The following ITGA11 variants were observed in gnomAD, a reference collection of about 807,000 sequenced individuals.
The protein encoded by ITGA11 is integrin subunit alpha 11.
In ITGA11, 97 loss-of-function variants were observed where a neutral mutation model predicts 141.9. That is an observed-to-expected ratio of 0.68 (90% CI 0.58 to 0.81). The LOEUF is 0.81. Ranked by LOEUF, ITGA11 falls within the 30% of genes least tolerant of loss-of-function variation. ITGA11 has a pLI of 0.00. For synonymous variants in ITGA11, 658 were observed against 624.6 expected (o/e 1.05, Z -0.80); for missense variants, 1,387 against 1,559.2 (o/e 0.89, Z 1.86).
chr15:68,369,916 C>T (rs980888323), intron 2 of ITGA11, among the ~76,000 whole-genome samples: 1 of 152,262 alleles, frequency 6.6e-6, no homozygotes, highest in South Asian at 2.1e-4. Flanking sequence ...TTGAGATCAT[C>T]CTGGATTATC....
rs985307330 is a variant in ITGA11 at position 68,369,204 on chromosome 15, T to A, written c.245A>T (p.Asn82Ile). The A allele has an allele frequency of 6.2e-7, 1 of 1,613,712 alleles. No individual in the cohort carries two copies. The highest frequency in any genetic ancestry group is 8.5e-7 in the Non-Finnish European group (1 of 1,179,628). ...GTTACCCAGGTTGAGTTTGGTGCAGTTCCCGTGGATCACTGGACACTTGTA... is the reference window on the plus strand; with the variant it reads ...GTTACCCAGGTTGAGTTTGGTGCAGATCCCGTGGATCACTGGACACTTGTA... ...DVYKCPVIHGNCTKLNLGRVT... is the reference protein window; with the variant it reads ...DVYKCPVIHGICTKLNLGRVT... The change falls in exon 3 of 30, where the codon AAC becomes ATC. Residue 82 changes from asparagine to isoleucine, a missense_variant. By Grantham distance (149) the Asn-to-Ile change is moderately radical. Transcript: ENST00000315757.
At chr15:68,363,001 GTTGA>G (rs1895299802) in intron 4 of ITGA11, among the ~76,000 whole-genome samples, 1 of 149,666 alleles carries the variant, frequency 6.7e-6, no homozygotes. Context: ...ATGATGGATG[GTTGA>G]TGGATGGATG....
At chr15:68,341,914 T>C (rs914369468) in intron 10 of ITGA11, among the ~76,000 whole-genome samples, 4 of 152,198 alleles carry the variant, frequency 2.6e-5, no homozygotes, top group African/African-American at 9.6e-5. Context: ...GGCCAGGCGA[T>C]CGCTTACAGT....
At chr15:68,391,586 G>A (rs1896123780) in intron 2 of ITGA11, among the ~76,000 whole-genome samples, 4 of 152,176 alleles carry the variant, frequency 2.6e-5, no homozygotes, top group Non-Finnish European at 5.9e-5. Context: ...GGGCCTCAGT[G>A]ACTCCAACAA....
At chr15:68,420,741 T>C (rs1377767351) in intron 1 of ITGA11, among the ~76,000 whole-genome samples, 1 of 152,240 alleles carries the variant, frequency 6.6e-6, no homozygotes, top group African/African-American at 2.4e-5. Flanking sequence ...CCAAGCACTG[T>C]TCTGGGCCCT....
rs185281561 is a variant in ITGA11, at chr15:68,430,290, A to G, written c.52+1725T>C. Among the ~76,000 whole-genome samples the G allele has an allele frequency of 9.0e-4, 137 of 152,278 alleles. 1 individual carries two copies. Among genetic ancestry groups the G allele is most frequent in the African/African-American group, 2.8e-3 (116 of 41,542 alleles). On this transcript the variant is annotated intron_variant, in intron 1 of 29. Coordinates refer to ENST00000315757, the MANE Select transcript of ITGA11 (RefSeq NM_001004439.2). ...AACCATTGATTAAAGCCTACTGTGC[A>G]CCCAGCCCTGTGTTAAGGGCCTTTC...
At chr15:68,329,770 A>C (rs148285308) in intron 15 of ITGA11, among the ~76,000 whole-genome samples, 290 of 152,246 alleles carry the variant, frequency 1.9e-3, no homozygotes, top group African/African-American at 6.1e-3. Flanking sequence ...ACCACCACCA[A>C]CAAGGACCTA....
intron 2 of ITGA11, among the ~76,000 whole-genome samples, chr15:68,397,008 TATTACTTATTATATAATATATAA>T (rs1567156601): frequency 1.1e-4 from 1 of 9,436 alleles, no homozygotes; most frequent in African/African-American, 7.9e-4. Flanking sequence ...ATATAATATA[TATTACTTATTATATAATATATAA>T]ATTATTTATT....
chr15:68,357,113 G>A, intron 7 of ITGA11, 38 bp downstream of exon 7: 1 of 1,598,196 alleles, frequency 6.3e-7, no homozygotes, highest in Non-Finnish European at 8.5e-7. Context: ...TAGCATCTGA[G>A]ATCTAAAAAA....
At chr15:68,430,222 G>A (rs527770471) in intron 1 of ITGA11, among the ~76,000 whole-genome samples, 5 of 152,138 alleles carry the variant, frequency 3.3e-5, no homozygotes, top group Non-Finnish European at 5.9e-5. Context: ...GTCCTTTAAT[G>A]TCATTCTCTG....
chr15:68,351,177 C>T (rs1438647765), intron 8 of ITGA11, 81 bp downstream of exon 8: 59 of 1,469,916 alleles, frequency 4.0e-5, no homozygotes, highest in Non-Finnish European at 5.2e-5. Context: ...CTGCCTGGAA[C>T]TAGTCCCTTG....
chr15:68,321,161 GTTTCTTTT>G lies in ITGA11; in HGVS notation c.2408+249_2408+256del, dbSNP rs1893793329. 4.0e-5 allele frequency among the ~76,000 whole-genome samples: 2 copies of G among 49,882 alleles called. No homozygotes were observed. The highest frequency in any genetic ancestry group is 6.4e-4 in the Admixed American group (2 of 3,126). The allele number at this position is 49,882 out of a possible 152,430, so 32.7% of individuals were successfully genotyped here. On this transcript the variant is annotated intron_variant, in intron 19 of 29. Coordinates refer to ENST00000315757, the MANE Select transcript of ITGA11 (RefSeq NM_001004439.2). This position sits in a 1 kb window ranked among gnomAD's most constrained non-coding sequence, Gnocchi z 4.9. The stretch of plus-strand genomic sequence containing the variant: ...TTGTAATGTGGGCTCCGAAGAAAGG[GTTTCTTTT>G]TTTTTTTTTTTTTAACAAAATTTGA...
rs548008770 is a variant in ITGA11 at position 68,361,900 on chromosome 15, T to A, written c.358-196A>T. ...GTGTACTAGTTCCTTTGGTTTCAGG[T>A]CTAATGGAGAAAAACTGATCTTGGA... On this transcript the variant is annotated intron_variant, in intron 4 of 29. Transcript: ENST00000315757. The A allele has an allele frequency of 7.6e-6, 4 of 526,722 alleles. No homozygotes were observed. In the African/African-American group the frequency reaches 7.7e-5, roughly 10 times the overall value. 32.6% of individuals were successfully genotyped at this position (526,722 alleles called of 1,614,324 possible).
At chr15:68,314,430 C>G (rs1317890493) in intron 22 of ITGA11, among the ~76,000 whole-genome samples, 2 of 152,148 alleles carry the variant, frequency 1.3e-5, no homozygotes, top group African/African-American at 4.8e-5. Flanking sequence ...CCCTTTATAT[C>G]TGAGCACCAT....
At chr15:68,381,939 C>T (rs966696734) in intron 2 of ITGA11, among the ~76,000 whole-genome samples, 5 of 152,328 alleles carry the variant, frequency 3.3e-5, no homozygotes, top group Non-Finnish European at 5.9e-5. Flanking sequence ...TTCGGCCTCA[C>T]TCTCCTACCC....
Position 68,320,376 on chromosome 15 carries a change from C to G in ITGA11, c.2425G>C (p.Val809Leu). Residue 809 changes from valine to leucine, a missense_variant, in exon 20 of 30, where the codon GTG becomes CTG. Transcript: ENST00000315757. ...LPTAMEYCQRVLRKPAQDCSA... is the reference protein window; with the variant it reads ...LPTAMEYCQRLLRKPAQDCSA... Reference sequence around the variant, plus strand: ...CAGTCCTGCGCAGGCTTCCTCAGCACCCTCTGGCAGTACTCCCTGAGAACA... The same window carrying G: ...CAGTCCTGCGCAGGCTTCCTCAGCAGCCTCTGGCAGTACTCCCTGAGAACA... 6.3e-7 allele frequency: 1 copy of G among 1,594,316 alleles called. No homozygotes were observed. The highest frequency in any genetic ancestry group is 8.5e-7 in the Non-Finnish European group (1 of 1,170,364).
intron 15 of ITGA11, 113 bp downstream of exon 15, chr15:68,330,868 G>T: frequency 8.1e-7 from 1 of 1,235,352 alleles, no homozygotes; most frequent in Non-Finnish European, 1.1e-6. Flanking sequence ...GGTGGGTCTA[G>T]CTGAGGGCAG....
chr15:68,351,187 G>A, intron 8 of ITGA11, 71 bp downstream of exon 8: 1 of 1,537,286 alleles, frequency 6.5e-7, no homozygotes, highest in South Asian at 1.2e-5. Context: ...CTAGTCCCTT[G>A]GAGTCCCCAG....
rs543669719 is a variant in ITGA11, at chr15:68,308,697, C to G, written c.3175-1001G>C. Reference sequence around the variant, plus strand: ...GGCGGAGGTCGCAGTGAGCCGAGATCGTGCCACTGCACTCCAGCTGGGTGA... The same window carrying G: ...GGCGGAGGTCGCAGTGAGCCGAGATGGTGCCACTGCACTCCAGCTGGGTGA... On this transcript the variant is annotated intron_variant, in intron 26 of 29. Transcript: ENST00000315757. This position sits in a 1 kb window ranked among gnomAD's most constrained non-coding sequence, Gnocchi z 5.2. 6.6e-6 allele frequency among the ~76,000 whole-genome samples: 1 copy of G among 151,720 alleles called. No homozygotes were observed. The highest frequency in any genetic ancestry group is 2.4e-5 in the African/African-American group (1 of 41,182).
Sources: allele counts gnomAD v4.1 joint callset (sites outside exome capture counted in the v4.1 genomes callset), GRCh38; gene constraint gnomAD v4.1.1; non-coding constraint Gnocchi (gnomAD v3.1); transcripts MANE v1.5; gene names NCBI Gene and HGNC (gene_info 2026-07-23, HGNC 2026-07-21).